Variants in COPB1 observed in about 807,000 individuals in gnomAD.
COPB1 encodes coatomer subunit beta.
In COPB1, 21 loss-of-function variants were observed where a neutral mutation model predicts 108.7. That is an observed-to-expected ratio of 0.19 (90% CI 0.14 to 0.28). The LOEUF (loss-of-function observed/expected upper bound fraction) is 0.28, where lower values mean the gene tolerates loss of function less well. Among genes scored for constraint, COPB1 ranks in the 10% least tolerant of loss-of-function variants. The pLI is 1.00. For missense variants in COPB1, 919 were observed against 1,141.3 expected (o/e 0.81, Z 2.81); for synonymous variants, 378 against 386.8 (o/e 0.98, Z 0.27).
rs775766548 is a variant in COPB1 at position 14,466,307 on chromosome 11, A to G, written c.2265T>C (p.Asn755=). 48 of 1,613,472 alleles carry G rather than the reference A, an allele frequency of 3.0e-5. No homozygotes were observed. In the Middle Eastern group the frequency reaches 1.3e-3, roughly 44 times the overall value. ...CTAGTGTAGCTAGTTCTAATGTGCA[A>G]TTCTGCAAAGTATCACTGGTTTGGT... is the stretch of plus-strand genomic sequence containing the variant. ...VVNQTSDTLQ[N]CTLELATLGD... The change falls in exon 17 of 22, where the codon AAT becomes AAC. Residue 755 remains asparagine (N), a synonymous_variant. Transcript: ENST00000439561.
At chr11:14,463,667 T>C (rs555361047) in intron 18 of COPB1, among the ~76,000 whole-genome samples, 58 of 152,322 alleles carry the variant, frequency 3.8e-4, no homozygotes, top group Admixed American at 2.1e-3. Context: ...CACATCAAAC[T>C]GTCCTTGAAT....
intron 18 of COPB1, among the ~76,000 whole-genome samples, chr11:14,461,647 G>C (rs1850155349): frequency 6.6e-6 from 1 of 152,116 alleles, no homozygotes; most frequent in Admixed American, 6.6e-5. Context: ...TGTTTTTTGT[G>C]GTTAAACAAA....
Position 14,475,771 on chromosome 11 carries a change from GT to G in COPB1, c.1616+13del, listed in dbSNP as rs762550090. On this transcript the variant is annotated intron_variant, in intron 13 of 21. Transcript: ENST00000439561. ...AAGTAGTACAGCTGGCAGGGTATATGTGCCATAAATTACCTGTCTTCCTCTT... is the reference window on the plus strand; with the variant it reads ...AAGTAGTACAGCTGGCAGGGTATATGGCCATAAATTACCTGTCTTCCTCTT... The G allele has an allele frequency of 1.4e-5, 22 of 1,542,960 alleles. No homozygotes were observed. The highest frequency in any genetic ancestry group is 1.9e-5 in the Non-Finnish European group (22 of 1,147,166).
Position 14,465,000 on chromosome 11 carries a change from G to C in COPB1, c.2321C>G (p.Pro774Arg). 1 of 1,604,198 alleles carries C rather than the reference G, an allele frequency of 6.2e-7. No homozygotes were observed. The highest frequency in any genetic ancestry group is 8.5e-7 in the Non-Finnish European group (1 of 1,174,194). The change falls in exon 18 of 22, where the codon CCT (proline) becomes CGT (arginine). Residue 774 changes from proline to arginine, a missense_variant. Coordinates refer to ENST00000439561, the MANE Select transcript of COPB1 (RefSeq NM_001144061.2). ...GAAGTCATGAGGAGCAAGAGTCAAA[G>C]GAGACGGCTTTTCCACAAGTTTCAG... ...GDLKLVEKPS[P>R]LTLAPHDFAN...
In COPB1 at chr11:14,460,313, A is replaced by C; in HGVS notation, c.2557-16T>G. 1 of 1,509,538 alleles carries C rather than the reference A, an allele frequency of 6.6e-7. No individual in the cohort carries two copies. The highest frequency in any genetic ancestry group is 9.1e-7 in the Non-Finnish European group (1 of 1,097,550). 93.5% of individuals were successfully genotyped at this position (1,509,538 alleles called of 1,614,324 possible). On this transcript the variant is annotated splice_polypyrimidine_tract_variant and intron_variant, in intron 19 of 21. Coordinates refer to ENST00000439561, the MANE Select transcript of COPB1 (RefSeq NM_001144061.2). Reference sequence around the variant, plus strand: ...TAACTGTCACCTGTAGAGAGGAAAAAAAAGTCAAGGAGATCATAAATCTTA... The same window carrying C: ...TAACTGTCACCTGTAGAGAGGAAAACAAAGTCAAGGAGATCATAAATCTTA...
Position 14,476,973 on chromosome 11 carries a change from A to C in COPB1, c.1401T>G (p.Ser467Arg). ...TCACACTCTGAATGTCTTCCTTGGT[A>C]CTACAGTATTCTCCCAGGATCCATA... ...GALWILGEYC[S>R]TKEDIQSVMT... The change falls in exon 12 of 22, where the codon AGT becomes AGG. Residue 467 changes from serine (S) to arginine (R), a missense_variant. By Grantham distance (110) the Ser-to-Arg change is moderately radical. Transcript: ENST00000439561. 1 of 1,612,836 alleles carries C rather than the reference A, an allele frequency of 6.2e-7. No homozygotes were observed. Among genetic ancestry groups the C allele is most frequent in the Non-Finnish European group, 8.5e-7 (1 of 1,178,846 alleles).
At chr11:14,489,799 T>C (rs77903294) in intron 5 of COPB1, among the ~76,000 whole-genome samples, 2 of 152,140 alleles carry the variant, frequency 1.3e-5, no homozygotes, top group African/African-American at 2.4e-5. Flanking sequence ...GGATGGAAGA[T>C]AGTGATGGTT....
chr11:14,492,505 A>G (rs757804057), intron 4 of COPB1, among the ~76,000 whole-genome samples: 2 of 151,588 alleles, frequency 1.3e-5, no homozygotes, highest in African/African-American at 2.4e-5. Context: ...CACCACGCCC[A>G]GCTAATTTTG....
Position 14,499,705 on chromosome 11 carries a change from A to C in COPB1, c.-58+2T>G, listed in dbSNP as rs1851113102. 1 of 151,390 alleles carries C rather than the reference A, an allele frequency of 6.6e-6. No homozygotes were observed. Among genetic ancestry groups the C allele is most frequent in the Non-Finnish European group, 1.5e-5 (1 of 68,146 alleles). The allele number at this position is 151,390 out of a possible 1,614,324, so 9.4% of individuals were successfully genotyped here. On this transcript the variant is annotated splice_donor_variant, in intron 1 of 21. Transcript: ENST00000439561. LOFTEE classifies it low-confidence loss of function (5UTR_SPLICE). ...CAGTTCTTCCGACTCTGCCCGACCC[A>C]CCACGCCTCTGGGACTGGGGGCTTG...
At chr11:14,463,279 T>C (rs1850198891) in intron 18 of COPB1, among the ~76,000 whole-genome samples, 1 of 152,202 alleles carries the variant, frequency 6.6e-6, no homozygotes, top group African/African-American at 2.4e-5. Context: ...CTTCTATTCC[T>C]ATGGCTTTTA....
At chr11:14,458,027 T>C in intron 21 of COPB1, 144 bp from the exon 22 acceptor site, 1 of 449,082 alleles carries the variant, frequency 2.2e-6, no homozygotes. Flanking sequence ...TTACCAAACT[T>C]TACTGGTAAT....
intron 11 of COPB1, among the ~76,000 whole-genome samples, chr11:14,477,393 A>AAAAAAAAAAAAAAAAC (rs1565017826): frequency 3.5e-5 from 5 of 144,794 alleles, no homozygotes; most frequent in South Asian, 4.5e-4. Flanking sequence ...CCGTCTCAAA[A>AAAAAAAAAAAAAAAAC]AAAAAAAAAA....
chr11:14,481,149 A>G, intron 8 of COPB1, 52 bp from the exon 9 acceptor site: 1 of 1,385,558 alleles, frequency 7.2e-7, no homozygotes, highest in Non-Finnish European at 1.0e-6. Context: ...TGGTCACAGG[A>G]AAAAAATCTT....
chr11:14,493,056 G>C (rs1850943931), intron 4 of COPB1, among the ~76,000 whole-genome samples: 1 of 152,180 alleles, frequency 6.6e-6, no homozygotes, highest in Non-Finnish European at 1.5e-5. Flanking sequence ...TGAGGCAGGA[G>C]AATCACTTGA....
intron 19 of COPB1, among the ~76,000 whole-genome samples, chr11:14,460,873 G>A (rs1228593997): frequency 1.3e-5 from 2 of 152,134 alleles, no homozygotes; most frequent in African/African-American, 2.4e-5. Context: ...CATGAACTTT[G>A]TAAAGCCTTT....
intron 2 of COPB1, among the ~76,000 whole-genome samples, chr11:14,495,174 C>T (rs753243934): frequency 2.6e-4 from 40 of 152,176 alleles, no homozygotes; most frequent in Non-Finnish European, 4.4e-4. Flanking sequence ...AATTTCACAC[C>T]ATTATCATTG....
intron 13 of COPB1, among the ~76,000 whole-genome samples, chr11:14,474,981 A>C (rs1195881276): frequency 6.6e-6 from 1 of 151,096 alleles, no homozygotes. Context: ...CTGTAATCCC[A>C]GCTACTCAGG....
chr11:14,475,113 A>G (rs1376085878), intron 13 of COPB1, among the ~76,000 whole-genome samples: 1 of 151,440 alleles, frequency 6.6e-6, no homozygotes, highest in Non-Finnish European at 1.5e-5. Flanking sequence ...AAAAAAAAAA[A>G]AAAAAAGAAA....
At chr11:14,486,550 G>C (rs761816646) in intron 6 of COPB1, 46 bp from the exon 7 acceptor site, 53 of 1,598,796 alleles carry the variant, frequency 3.3e-5, no homozygotes, top group Admixed American at 2.6e-4. Context: ...AGGAACGCTT[G>C]TTTTCAAATG....
Sources: allele counts gnomAD v4.1 joint callset (sites outside exome capture counted in the v4.1 genomes callset), GRCh38; gene constraint gnomAD v4.1.1; transcripts MANE v1.5; gene names NCBI Gene and HGNC (gene_info 2026-07-23, HGNC 2026-07-21).